The following FAM227B variants were observed in gnomAD, a reference collection of about 807,000 sequenced individuals.
FAM227B encodes protein FAM227B.
Under a neutral mutation model 73.8 loss-of-function variants are expected in FAM227B, and 88 were observed. The observed-to-expected ratio is 1.19, with a 90% CI of 1.00 to 1.42. FAM227B has a LOEUF of 1.42. Ranked by LOEUF, FAM227B falls within the 40% of genes most tolerant of loss-of-function variation. FAM227B has a pLI of 0.00. For missense variants in FAM227B, 632 were observed against 590.9 expected (o/e 1.07, Z -0.72); for synonymous variants, 210 against 190.5 (o/e 1.10, Z -0.84).
At chr15:49,365,176 A>G (rs944900576) in intron 13 of FAM227B, 3 of 772,958 alleles carry the variant, frequency 3.9e-6, no homozygotes, top group Admixed American at 3.8e-5. Context: ...CGTTTTTTGC[A>G]TAATACAGAT....
chr15:49,336,261 T>G (rs2151183627), intron 13 of FAM227B, among the ~76,000 whole-genome samples: 1 of 152,380 alleles, frequency 6.6e-6, no homozygotes, highest in Admixed American at 6.5e-5. Flanking sequence ...ATGTTGCTAA[T>G]GAAGCTGGAT....
At chr15:49,551,029 C>T (rs142063359) in intron 9 of FAM227B, among the ~76,000 whole-genome samples, 3,022 of 152,348 alleles carry the variant, frequency 0.02, 121 homozygotes, top group African/African-American at 0.069. Flanking sequence ...TCTGCAATCC[C>T]GGCACCCCGG....
At chr15:49,512,389 AG>A (rs898462008) in intron 10 of FAM227B, among the ~76,000 whole-genome samples, 7 of 151,866 alleles carry the variant, frequency 4.6e-5, no homozygotes, top group Admixed American at 4.6e-4. Context: ...TACCTGTCCT[AG>A]GTTTCATTTT....
At chr15:49,563,944 TAA>T (rs1184095670) in intron 9 of FAM227B, among the ~76,000 whole-genome samples, 1 of 152,156 alleles carries the variant, frequency 6.6e-6, no homozygotes, top group Non-Finnish European at 1.5e-5. Flanking sequence ...AATTTACGAC[TAA>T]GTCTGCAAAA....
At chr15:49,381,900 A>G (rs1378186645) in intron 11 of FAM227B, among the ~76,000 whole-genome samples, 1 of 152,188 alleles carries the variant, frequency 6.6e-6, no homozygotes, top group African/African-American at 2.4e-5. Context: ...ACAATAAAAT[A>G]TTTTAAAATC....
At chr15:49,338,779 TG>T (rs2040212352) in intron 13 of FAM227B, among the ~76,000 whole-genome samples, 1 of 152,232 alleles carries the variant, frequency 6.6e-6, no homozygotes, top group South Asian at 2.1e-4. Flanking sequence ...ATTGTAGATT[TG>T]GTCTTTTCAC....
At chr15:49,569,425 G>T in intron 8 of FAM227B, among the ~76,000 whole-genome samples, 1 of 151,324 alleles carries the variant, frequency 6.6e-6, no homozygotes, top group Non-Finnish European at 1.5e-5. Flanking sequence ...AATTTGTTCT[G>T]TTTCCGGTTA....
chr15:49,545,731 C>G (rs1055938552), intron 9 of FAM227B, among the ~76,000 whole-genome samples: 4 of 152,092 alleles, frequency 2.6e-5, no homozygotes, highest in Non-Finnish European at 5.9e-5. Context: ...AAATTTTCGT[C>G]TTAATTTCAT....
At chr15:49,436,269 A>G (rs1423540735) in intron 11 of FAM227B, among the ~76,000 whole-genome samples, 1 of 151,592 alleles carries the variant, frequency 6.6e-6, no homozygotes, top group African/African-American at 2.4e-5. Flanking sequence ...TTTTCTGAAA[A>G]TATTTGAGTA....
rs887499468 is a variant in FAM227B at position 49,433,353 on chromosome 15, C to T, written c.1013-61954G>A. 4.0e-5 allele frequency among the ~76,000 whole-genome samples: 6 copies of T among 151,148 alleles called. No individual in the cohort carries two copies. The East Asian group carries it at 1.2e-3, about 30-fold the overall frequency. ...TTACTTTTTATTTTTTTTAATCTTC[C>T]AGTGGTAGAAGCAGCAGCACTTAGC... is the stretch of plus-strand genomic sequence containing the variant. On this transcript the variant is annotated intron_variant, in intron 11 of 15. Transcript: ENST00000299338.
At chr15:49,340,403 GC>G (rs373386438) in intron 13 of FAM227B, among the ~76,000 whole-genome samples, 28,003 of 94,490 alleles carry the variant, frequency 0.3, 2,193 homozygotes, top group East Asian at 0.37. Context: ...GCAGTGCCCC[GC>G]CCCCCCCCTC....
rs2071088298 is a variant in FAM227B at position 49,541,699 on chromosome 15, G to A, written c.855C>T (p.Asn285=). 2 of 1,505,926 alleles carry A rather than the reference G, an allele frequency of 1.3e-6. No individual in the cohort carries two copies. Among genetic ancestry groups the A allele is most frequent in the African/African-American group, 1.4e-5 (1 of 70,176 alleles). 93.3% of individuals were successfully genotyped at this position (1,505,926 alleles called of 1,614,324 possible). A position where few individuals can be genotyped will look rare whatever the true frequency, so the allele number is the denominator to read the frequency against. Residue 285 remains asparagine (N), a synonymous_variant, in exon 10 of 16, where the codon AAC becomes AAT. Transcript: ENST00000299338. ...NDEFKEDLGN[N]IFLWCSGLKP... Reference sequence around the variant, plus strand: ...TCATACCTGAACACCAAAGAAAAATGTTATTCCCTAGATCTTCTTTAAATT... The same window carrying A: ...TCATACCTGAACACCAAAGAAAAATATTATTCCCTAGATCTTCTTTAAATT...
chr15:49,403,869 C>T (rs796985748), intron 11 of FAM227B, among the ~76,000 whole-genome samples: 9 of 152,174 alleles, frequency 5.9e-5, no homozygotes, highest in African/African-American at 1.9e-4. Flanking sequence ...AACTTGAGAT[C>T]TTTTTATCTG....
chr15:49,466,604 G>A (rs1006656435), intron 11 of FAM227B, among the ~76,000 whole-genome samples: 2 of 152,088 alleles, frequency 1.3e-5, no homozygotes, highest in Non-Finnish European at 1.5e-5. Flanking sequence ...TACATAAAGG[G>A]TTAAAGTCAG....
chr15:49,462,645 A>G (rs2053909310), intron 11 of FAM227B, among the ~76,000 whole-genome samples: 1 of 152,214 alleles, frequency 6.6e-6, no homozygotes, highest in South Asian at 2.1e-4. Flanking sequence ...AGAAGAGGAA[A>G]GCTAACTCAC....
intron 15 of FAM227B, chr15:49,329,028 A>G: frequency 9.9e-7 from 1 of 1,008,018 alleles, no homozygotes; most frequent in Non-Finnish European, 1.2e-6. Context: ...CTCTTTTTCT[A>G]CTACTTTTTC....
chr15:49,473,281 T>A (rs1028697234), intron 11 of FAM227B, among the ~76,000 whole-genome samples: 13 of 152,150 alleles, frequency 8.5e-5, no homozygotes, highest in African/African-American at 3.1e-4. Flanking sequence ...ATTATATAAA[T>A]AAGTTCATTC....
At chr15:49,447,870 T>C (rs747207215) in intron 11 of FAM227B, among the ~76,000 whole-genome samples, 4 of 151,614 alleles carry the variant, frequency 2.6e-5, no homozygotes, top group Non-Finnish European at 5.9e-5. Flanking sequence ...AACAATAGGT[T>C]TGACTTTTGT....
chr15:49,461,362 C>CT (rs2053781170), intron 11 of FAM227B, among the ~76,000 whole-genome samples: 1 of 152,192 alleles, frequency 6.6e-6, no homozygotes, highest in Non-Finnish European at 1.5e-5. Flanking sequence ...GTCAATAACT[C>CT]TGCTTCATTT....
Sources: allele counts gnomAD v4.1 joint callset (sites outside exome capture counted in the v4.1 genomes callset), GRCh38; gene constraint gnomAD v4.1.1; transcripts MANE v1.5; gene names NCBI Gene and HGNC (gene_info 2026-07-23, HGNC 2026-07-21).